The following PARD3 variants were observed in gnomAD, a reference collection of about 807,000 sequenced individuals.
PARD3 encodes par-3 family cell polarity regulator, also known as partitioning defective 3 homolog.
In PARD3, 75 loss-of-function variants were observed where a neutral mutation model predicts 155.4. That is an observed-to-expected ratio of 0.48 (90% CI 0.40 to 0.58). The LOEUF (loss-of-function observed/expected upper bound fraction) is 0.58, where lower values mean the gene tolerates loss of function less well. Ranked by LOEUF, PARD3 falls within the 20% of genes least tolerant of loss-of-function variation. The probability of loss-of-function intolerance (pLI) is 0.00; values close to 1 mark genes in which losing one functional copy is unlikely to be tolerated. For missense variants in PARD3, 1,642 were observed against 1,721.7 expected (o/e 0.95, Z 0.82); for synonymous variants, 576 against 610.5 (o/e 0.94, Z 0.83).
intron 22 of PARD3, among the ~76,000 whole-genome samples, chr10:34,139,801 T>C (rs1948087339): frequency 6.6e-6 from 1 of 152,188 alleles, no homozygotes. Flanking sequence ...AAACAAGTTC[T>C]TGAACTGGGA....
chr10:34,230,791 G>T (rs912256007), intron 22 of PARD3, among the ~76,000 whole-genome samples: 21 of 152,162 alleles, frequency 1.4e-4, no homozygotes, highest in African/African-American at 5.1e-4. Context: ...GCTTTGGGAG[G>T]CTAGGGCGGG....
chr10:34,418,664 T>C (rs1033861244), intron 5 of PARD3, among the ~76,000 whole-genome samples: 2 of 152,228 alleles, frequency 1.3e-5, no homozygotes, highest in African/African-American at 2.4e-5. Flanking sequence ...CTAGTCTTTA[T>C]TGAGTGACTA....
chr10:34,740,391 C>T (rs2094987610), intron 1 of PARD3, among the ~76,000 whole-genome samples: 1 of 152,224 alleles, frequency 6.6e-6, no homozygotes, highest in South Asian at 2.1e-4. Flanking sequence ...TGTCAACAAA[C>T]ATATCCTTCT....
chr10:34,628,641 C>T (rs967921984), intron 2 of PARD3, among the ~76,000 whole-genome samples: 7 of 152,212 alleles, frequency 4.6e-5, no homozygotes, highest in South Asian at 4.1e-4. Flanking sequence ...GGCTTCATCA[C>T]GCCTGAGAGA....
chr10:34,201,558 G>A (rs372072803), intron 22 of PARD3, among the ~76,000 whole-genome samples: 23 of 152,218 alleles, frequency 1.5e-4, no homozygotes, highest in African/African-American at 5.5e-4. Context: ...TCTCTTCAGA[G>A]TGCTGAAAGT....
chr10:34,797,349 C>T (rs1476992830), intron 1 of PARD3, among the ~76,000 whole-genome samples: 1 of 152,200 alleles, frequency 6.6e-6, no homozygotes, highest in African/African-American at 2.4e-5. Context: ...GACAGGGTCT[C>T]ACTGTGTTGC....
chr10:34,113,922 C>T (rs1009242063), intron 24 of PARD3, among the ~76,000 whole-genome samples: 8 of 152,110 alleles, frequency 5.3e-5, no homozygotes, highest in Non-Finnish European at 7.4e-5. Context: ...TAATAGGTCC[C>T]GGAGGAGTAG....
chr10:34,379,671 T>G (rs1841624990), intron 9 of PARD3, among the ~76,000 whole-genome samples: 1 of 152,062 alleles, frequency 6.6e-6, no homozygotes, highest in Non-Finnish European at 1.5e-5. Context: ...GGCAATGACC[T>G]TTCAAGGAAA....
chr10:34,564,916 C>T (rs1002461539), intron 2 of PARD3, among the ~76,000 whole-genome samples: 1 of 152,092 alleles, frequency 6.6e-6, no homozygotes, highest in African/African-American at 2.4e-5. Context: ...AACAACTTTA[C>T]AATGTAGGTA....
chr10:34,176,798 A>T (rs1357231925), intron 22 of PARD3, among the ~76,000 whole-genome samples: 1 of 152,216 alleles, frequency 6.6e-6, no homozygotes, highest in Non-Finnish European at 1.5e-5. Context: ...TGTGGAGATC[A>T]AAGTCAGCCA....
chr10:34,322,172 T>C (rs1212544190), intron 19 of PARD3, among the ~76,000 whole-genome samples: 1 of 152,146 alleles, frequency 6.6e-6, no homozygotes, highest in Non-Finnish European at 1.5e-5. Flanking sequence ...AATGGCCCCG[T>C]TGGACTCAAT....
rs565261207 is a variant in PARD3, at chr10:34,226,425, C to T, written c.3419+43232G>A. Among the ~76,000 whole-genome samples the T allele has an allele frequency of 7.2e-5, 11 of 152,272 alleles. No individual in the cohort carries two copies. In the South Asian group the frequency reaches 1.0e-3, roughly 14 times the overall value. ...AGTAGCTGGGTGTGTTGGCACATGC[C>T]GGTAATCCCAGCTATTTGGGAGGCT... On this transcript the variant is annotated intron_variant, in intron 22 of 24. Coordinates refer to ENST00000374788, the MANE Select transcript of PARD3 (RefSeq NM_001184785.2).
intron 22 of PARD3, among the ~76,000 whole-genome samples, chr10:34,224,137 C>T (rs1952462476): frequency 1.3e-5 from 2 of 152,206 alleles, no homozygotes; most frequent in Admixed American, 1.3e-4. Context: ...ATCCTATAAT[C>T]ATCAACGCCC....
At chr10:34,678,110 G>C (rs896727557) in intron 2 of PARD3, among the ~76,000 whole-genome samples, 5 of 151,882 alleles carry the variant, frequency 3.3e-5, no homozygotes, top group South Asian at 4.2e-4. Flanking sequence ...GTCTCACTCA[G>C]TCACCAAGGC....
chr10:34,172,295 A>T (rs1020089092), intron 22 of PARD3, among the ~76,000 whole-genome samples: 2 of 152,200 alleles, frequency 1.3e-5, no homozygotes, highest in Non-Finnish European at 2.9e-5. Flanking sequence ...GTATTCACTA[A>T]ACTTTTAACT....
intron 1 of PARD3, among the ~76,000 whole-genome samples, chr10:34,759,364 A>G (rs1837151016): frequency 6.6e-6 from 1 of 152,226 alleles, no homozygotes; most frequent in Non-Finnish European, 1.5e-5. Context: ...AGCACTTACT[A>G]GATACACTGT....
At chr10:34,231,857 G>A (rs758936922) in intron 22 of PARD3, among the ~76,000 whole-genome samples, 2 of 151,930 alleles carry the variant, frequency 1.3e-5, no homozygotes, top group Non-Finnish European at 2.9e-5. Flanking sequence ...TCAGCAGTGT[G>A]GCCTGTTGAT....
At chr10:34,335,043 G>A (rs1188469636) in intron 18 of PARD3, among the ~76,000 whole-genome samples, 2 of 151,818 alleles carry the variant, frequency 1.3e-5, no homozygotes, top group Non-Finnish European at 3.0e-5. Flanking sequence ...CGGGGTTATT[G>A]CTTATACTGC....
chr10:34,668,910 T>C (rs913398002), intron 2 of PARD3, among the ~76,000 whole-genome samples: 2 of 152,188 alleles, frequency 1.3e-5, no homozygotes, highest in African/African-American at 2.4e-5. Flanking sequence ...TTCATTTCCA[T>C]TCCATTCATT....
Sources: gnomAD v4.1 joint callset for allele counts (sites outside exome capture counted in the v4.1 genomes callset) on GRCh38, gnomAD v4.1.1 for gene constraint, MANE v1.5 for transcripts, NCBI Gene and HGNC (gene_info 2026-07-23, HGNC 2026-07-21) for gene names.